EPS15: variants seen among roughly 807,000 people sequenced by gnomAD.
The protein encoded by EPS15 is epidermal growth factor receptor pathway substrate 15.
In EPS15, 72 loss-of-function variants were observed where a neutral mutation model predicts 113.8. The ratio of observed to expected loss-of-function variants is 0.63; its 90% CI spans 0.52 to 0.77. EPS15 has a LOEUF of 0.77. Ranked by LOEUF, EPS15 falls within the 30% of genes least tolerant of loss-of-function variation. EPS15 has a pLI of 0.00. For missense variants in EPS15, 1,048 were observed against 1,045.8 expected (o/e 1.00, Z -0.03); for synonymous variants, 344 against 363.4 (o/e 0.95, Z 0.61).
intron 13 of EPS15, among the ~76,000 whole-genome samples, chr1:51,411,270 C>T (rs531950729): frequency 6.6e-6 from 1 of 152,164 alleles, no homozygotes; most frequent in South Asian, 2.1e-4. Flanking sequence ...CCAGGCAGAG[C>T]AGGCAGACAA....
chr1:51,477,973 G>A (rs570254872), intron 2 of EPS15, among the ~76,000 whole-genome samples: 1 of 152,046 alleles, frequency 6.6e-6, no homozygotes, highest in African/African-American at 2.4e-5. Flanking sequence ...ATTAGGTCCG[G>A]TTGGTGCAGA....
At chr1:51,497,217 T>C (rs1366610410) in intron 1 of EPS15, among the ~76,000 whole-genome samples, 1 of 152,206 alleles carries the variant, frequency 6.6e-6, no homozygotes, top group Non-Finnish European at 1.5e-5. Flanking sequence ...ACCAAGTACA[T>C]ACATACAGAG....
In EPS15 at chr1:51,444,139, G is replaced by C. The variant is rs190182400; in HGVS notation, c.954+750C>G. Among the ~76,000 whole-genome samples the C allele has an allele frequency of 9.9e-5, 15 of 152,124 alleles. No individual in the cohort carries two copies. In the East Asian group the frequency reaches 2.9e-3, roughly 29 times the overall value. On this transcript the variant is annotated intron_variant, in intron 11 of 24. Transcript: ENST00000371733. ...TGGTTATACTTTATAGGCCATAAGA[G>C]ATTTAAAAATACAAAGTATTTATTT...
chr1:51,375,541 G>T (rs1357696673), intron 21 of EPS15, among the ~76,000 whole-genome samples: 1 of 152,122 alleles, frequency 6.6e-6, no homozygotes, highest in Non-Finnish European at 1.5e-5. Flanking sequence ...TGTGACTTGG[G>T]TATGTAACAT....
intron 8 of EPS15, among the ~76,000 whole-genome samples, chr1:51,460,084 A>C (rs527381286): frequency 6.6e-6 from 1 of 152,362 alleles, no homozygotes; most frequent in Non-Finnish European, 1.5e-5. Flanking sequence ...AAATCAGATT[A>C]AGTAAAAATA....
chr1:51,482,782 A>G (rs1375876805), intron 1 of EPS15, among the ~76,000 whole-genome samples: 2 of 152,132 alleles, frequency 1.3e-5, no homozygotes, highest in African/African-American at 4.8e-5. Context: ...AGTAATTTTA[A>G]TGGTCTGGTT....
At chr1:51,430,166 T>C (rs1264817583) in intron 12 of EPS15, among the ~76,000 whole-genome samples, 4 of 152,206 alleles carry the variant, frequency 2.6e-5, no homozygotes, top group African/African-American at 7.2e-5. Flanking sequence ...TCTTAGGAAC[T>C]GTCAGAAGCC....
intron 20 of EPS15, among the ~76,000 whole-genome samples, chr1:51,397,816 CA>C (rs1478817678): frequency 6.6e-6 from 1 of 152,130 alleles, no homozygotes; most frequent in Non-Finnish European, 1.5e-5. Flanking sequence ...TACTAGAAGA[CA>C]AATTTTTTGC....
intron 21 of EPS15, among the ~76,000 whole-genome samples, chr1:51,379,550 CAA>C (rs1343523212): frequency 1.3e-5 from 2 of 152,208 alleles, no homozygotes; most frequent in Non-Finnish European, 2.9e-5. Flanking sequence ...CCTTCACAAA[CAA>C]GAGAGAAATT....
chr1:51,468,423 T>C, intron 5 of EPS15, 50 bp downstream of exon 5: 5 of 1,208,822 alleles, frequency 4.1e-6, no homozygotes, highest in Non-Finnish European at 6.2e-6. Flanking sequence ...AATAACGTGG[T>C]GTCACTTTTT....
At chr1:51,403,604 C>A (rs928843775) in intron 16 of EPS15, 72 bp from the exon 17 acceptor site, 4 of 722,204 alleles carry the variant, frequency 5.5e-6, no homozygotes, top group Non-Finnish European at 9.0e-6. Context: ...CTAAAGATAA[C>A]CAAAAACTAT....
intron 21 of EPS15, among the ~76,000 whole-genome samples, chr1:51,375,450 T>A (rs921250687): frequency 1.8e-4 from 28 of 152,160 alleles, no homozygotes; most frequent in Admixed American, 1.3e-3. Context: ...GATCAATCTT[T>A]TTGCCTGGTG....
intron 16 of EPS15, among the ~76,000 whole-genome samples, chr1:51,404,747 G>C (rs1648934665): frequency 6.6e-6 from 1 of 152,070 alleles, no homozygotes; most frequent in African/African-American, 2.4e-5. Context: ...CCTAAAATTG[G>C]TCATTTTTAT....
chr1:51,454,049 CAAAAAAAAAA>C lies in EPS15; in HGVS notation c.562-5924_562-5915del, dbSNP rs376428827. On this transcript the variant is annotated intron_variant, in intron 8 of 24. Coordinates refer to ENST00000371733, the MANE Select transcript of EPS15 (RefSeq NM_001981.3). ...TGGGCGACAGAGTGAGACTTTGTTT[CAAAAAAAAAA>C]AAAAAAAAAAAAAGGGAAAAGATCG... Among the ~76,000 whole-genome samples, 10 of 88,222 alleles carry C rather than the reference CAAAAAAAAAA, an allele frequency of 1.1e-4. No homozygotes were observed. In the East Asian group the frequency reaches 2.3e-3, roughly 20 times the overall value. The allele number at this position is 88,222 out of a possible 152,430, so 57.9% of individuals were successfully genotyped here.
At chr1:51,435,134 G>A (rs929019249) in intron 12 of EPS15, among the ~76,000 whole-genome samples, 1 of 151,036 alleles carries the variant, frequency 6.6e-6, no homozygotes, top group Non-Finnish European at 1.5e-5. Flanking sequence ...TAACCTTAAT[G>A]TTCCTGTGAG....
rs1031055748 is a variant in EPS15 at position 51,385,819 on chromosome 1, T to A, written c.2119+8562A>T. Among the ~76,000 whole-genome samples, 15 of 152,312 alleles carry A rather than the reference T, an allele frequency of 9.8e-5. 1 individual carries two copies. Among genetic ancestry groups the A allele is most frequent in the African/African-American group, 1.2e-4 (5 of 41,574 alleles). On this transcript the variant is annotated intron_variant, in intron 21 of 24. Coordinates refer to ENST00000371733, the MANE Select transcript of EPS15 (RefSeq NM_001981.3). ...CAATCACCAAAATATGAATTTTTTT[T>A]ATGATTCCACTTATATGAAGTATGC...
chr1:51,513,106 T>C (rs564497464), intron 1 of EPS15, among the ~76,000 whole-genome samples: 3 of 152,222 alleles, frequency 2.0e-5, no homozygotes, highest in Non-Finnish European at 2.9e-5. Flanking sequence ...ACTGGAATTA[T>C]AGGCCTGAGC....
intron 21 of EPS15, among the ~76,000 whole-genome samples, chr1:51,385,655 G>A (rs1647047840): frequency 6.6e-6 from 1 of 152,048 alleles, no homozygotes; most frequent in Non-Finnish European, 1.5e-5. Flanking sequence ...GCAACTAAGT[G>A]TCCATTAATG....
chr1:51,477,314 T>C lies in EPS15; in HGVS notation c.75+3959A>G, dbSNP rs567373399. 2.6e-5 allele frequency among the ~76,000 whole-genome samples: 4 copies of C among 152,274 alleles called. No homozygotes were observed. In the East Asian group the frequency reaches 7.7e-4, roughly 29 times the overall value. On this transcript the variant is annotated intron_variant, in intron 2 of 24. Coordinates refer to ENST00000371733, the MANE Select transcript of EPS15 (RefSeq NM_001981.3). Reference sequence around the variant, plus strand: ...CGGTGGTGGTATCCCCTTTATCATTTTTTATTGTGTCTATTTGATTCTTCT... The same window carrying C: ...CGGTGGTGGTATCCCCTTTATCATTCTTTATTGTGTCTATTTGATTCTTCT...
Sources: allele counts gnomAD v4.1 joint callset (sites outside exome capture counted in the v4.1 genomes callset), GRCh38; gene constraint gnomAD v4.1.1; transcripts MANE v1.5; gene names NCBI Gene and HGNC (gene_info 2026-07-23, HGNC 2026-07-21).